AOAH: variants seen among roughly 807,000 people sequenced by gnomAD.
The protein encoded by AOAH is acyloxyacyl hydrolase (neutrophil).
Under a neutral mutation model 92.2 loss-of-function variants are expected in AOAH, and 64 were observed. The ratio of observed to expected loss-of-function variants is 0.69; its 90% CI spans 0.57 to 0.86. The LOEUF (loss-of-function observed/expected upper bound fraction) is 0.86, where lower values mean the gene tolerates loss of function less well. AOAH is among the 40% of genes least tolerant of loss of function. The pLI is 0.00. For missense variants in AOAH, 656 were observed against 694.6 expected, an observed-to-expected ratio of 0.94 and a Z score of 0.62; for synonymous variants, 263 against 254.5, an observed-to-expected ratio of 1.03 and a Z score of -0.32.
rs188010318 is a variant in AOAH at position 36,641,328 on chromosome 7, C to T, written c.391-3418G>A. On this transcript the variant is annotated intron_variant, in intron 4 of 20. Coordinates refer to ENST00000617537, the MANE Select transcript of AOAH (RefSeq NM_001637.4). ...GGGAACTGCCATTCTAGAAGCCCCC[C>T]CTCCTCAGCCCCCTTTGGATAATTT... 2.2e-3 allele frequency among the ~76,000 whole-genome samples: 336 copies of T among 152,268 alleles called. 3 individuals carry two copies. Among genetic ancestry groups the T allele is most frequent in the African/African-American group, 7.7e-3 (320 of 41,550 alleles).
At chr7:36,603,884 T>G (rs928030364) in intron 11 of AOAH, among the ~76,000 whole-genome samples, 5 of 152,244 alleles carry the variant, frequency 3.3e-5, no homozygotes, top group Non-Finnish European at 7.3e-5. Context: ...TTAGTCCATT[T>G]CCTGCTATAG....
intron 4 of AOAH, among the ~76,000 whole-genome samples, chr7:36,640,603 T>C (rs1413447349): frequency 2.0e-5 from 3 of 152,004 alleles, no homozygotes; most frequent in Non-Finnish European, 4.4e-5. Flanking sequence ...TCTGCAGCCT[T>C]TGTCTCGGCG....
intron 4 of AOAH, among the ~76,000 whole-genome samples, chr7:36,653,777 G>A (rs1794715423): frequency 6.6e-6 from 1 of 152,116 alleles, no homozygotes; most frequent in South Asian, 2.1e-4. Flanking sequence ...GTGTGCCTTG[G>A]AGATGTTGGT....
intron 15 of AOAH, among the ~76,000 whole-genome samples, chr7:36,543,947 C>CTTTCTTTTTTTTTT (rs55745823): frequency 6.0e-4 from 55 of 91,028 alleles, no homozygotes; most frequent in South Asian, 8.6e-4. Context: ...TTCTTTCTTT[C>CTTTCTTTTTTTTTT]TTTTTTTTTT....
intron 1 of AOAH, among the ~76,000 whole-genome samples, chr7:36,720,961 C>T (rs540631025): frequency 6.6e-6 from 1 of 152,244 alleles, no homozygotes; most frequent in African/African-American, 2.4e-5. Context: ...TCAACAATTC[C>T]TTCTCTTTTC....
At chr7:36,658,771 G>A (rs1048265774) in intron 4 of AOAH, among the ~76,000 whole-genome samples, 2 of 152,170 alleles carry the variant, frequency 1.3e-5, no homozygotes, top group Non-Finnish European at 2.9e-5. Flanking sequence ...AACTGCCCAG[G>A]ATTTCCCAAG....
chr7:36,593,595 C>T lies in AOAH; in HGVS notation c.938+744G>A, dbSNP rs184671782. Among the ~76,000 whole-genome samples, 4 of 152,252 alleles carry T rather than the reference C, an allele frequency of 2.6e-5. No homozygotes were observed. In the East Asian group the frequency reaches 5.8e-4, roughly 22 times the overall value. On this transcript the variant is annotated intron_variant, in intron 12 of 20. Coordinates refer to ENST00000617537, the MANE Select transcript of AOAH (RefSeq NM_001637.4). Reference sequence around the variant, plus strand: ...TTTCTTCTTTTTTACACATGGAAGCCATTCATTTGCCATCTTCCTTGTGCC... The same window carrying T: ...TTTCTTCTTTTTTACACATGGAAGCTATTCATTTGCCATCTTCCTTGTGCC...
intron 3 of AOAH, among the ~76,000 whole-genome samples, chr7:36,666,460 G>A (rs1161003749): frequency 6.6e-6 from 1 of 151,836 alleles, no homozygotes; most frequent in African/African-American, 2.4e-5. Context: ...CTGGCTAGAG[G>A]CTTATCAATT....
At chr7:36,706,685 C>A (rs1798435705) in intron 1 of AOAH, among the ~76,000 whole-genome samples, 1 of 152,200 alleles carries the variant, frequency 6.6e-6, no homozygotes, top group Non-Finnish European at 1.5e-5. Flanking sequence ...AGAACAGCCA[C>A]CTTCATCAAT....
At chr7:36,681,803 G>GAAATAAAT (rs763912531) in intron 2 of AOAH, among the ~76,000 whole-genome samples, 2 of 152,028 alleles carry the variant, frequency 1.3e-5, no homozygotes, top group Non-Finnish European at 2.9e-5. Flanking sequence ...TCTGTCTCCA[G>GAAATAAAT]AAATAAATAA....
chr7:36,579,300 C>G (rs942503913), intron 12 of AOAH, among the ~76,000 whole-genome samples: 1 of 152,026 alleles, frequency 6.6e-6, no homozygotes, highest in African/African-American at 2.4e-5. Context: ...TAGGTGATGT[C>G]ACTGAGTAAC....
At chr7:36,679,357 G>A (rs1298081885) in intron 2 of AOAH, among the ~76,000 whole-genome samples, 3 of 150,854 alleles carry the variant, frequency 2.0e-5, no homozygotes, top group Non-Finnish European at 4.4e-5. Context: ...TTTTGAGGGG[G>A]TAATTATTTT....
chr7:36,544,426 T>C (rs1785657955), intron 15 of AOAH, among the ~76,000 whole-genome samples: 1 of 152,100 alleles, frequency 6.6e-6, no homozygotes, highest in African/African-American at 2.4e-5. Flanking sequence ...CTAACCCTTT[T>C]CAACCCAGGT....
chr7:36,690,896 G>T (rs1290550086), intron 1 of AOAH, among the ~76,000 whole-genome samples: 2 of 152,198 alleles, frequency 1.3e-5, no homozygotes, highest in African/African-American at 4.8e-5. Context: ...CTGGGCCAAG[G>T]AATCCTTTTG....
At chr7:36,517,852 C>T (rs561575376) in intron 20 of AOAH, among the ~76,000 whole-genome samples, 10 of 151,858 alleles carry the variant, frequency 6.6e-5, no homozygotes, top group Admixed American at 2.6e-4. Flanking sequence ...CTGCCTGCCT[C>T]GACCACCCAA....
chr7:36,574,998 T>C (rs1788383580), intron 13 of AOAH, among the ~76,000 whole-genome samples: 1 of 145,618 alleles, frequency 6.9e-6, no homozygotes, highest in South Asian at 2.2e-4. Flanking sequence ...CTGCATGATA[T>C]TCCTCACAGA....
At chr7:36,632,156 G>T (rs745978258) in intron 5 of AOAH, 50 bp from the exon 6 acceptor site, 2 of 1,488,126 alleles carry the variant, frequency 1.3e-6, no homozygotes, top group South Asian at 2.5e-5. Flanking sequence ...TTAAGGAGTG[G>T]TTCCCCACCT....
chr7:36,514,051 G>A (rs1790195925), intron 20 of AOAH, among the ~76,000 whole-genome samples: 1 of 152,276 alleles, frequency 6.6e-6, no homozygotes, highest in East Asian at 1.9e-4. Flanking sequence ...AACGTGGTGT[G>A]TTCTTCCTTC....
chr7:36,664,199 AAGG>A (rs1180842601), intron 3 of AOAH, among the ~76,000 whole-genome samples: 1 of 152,164 alleles, frequency 6.6e-6, no homozygotes, highest in East Asian at 1.9e-4. Context: ...CACAAAACCC[AAGG>A]TCAACTAGAT....
Sources: gnomAD v4.1 joint callset for allele counts (sites outside exome capture counted in the v4.1 genomes callset) on GRCh38, gnomAD v4.1.1 for gene constraint, MANE v1.5 for transcripts, NCBI Gene and HGNC (gene_info 2026-07-23, HGNC 2026-07-21) for gene names.